Variants in TP53BP1 observed in about 807,000 individuals in gnomAD.
TP53BP1 encodes the protein TP53-binding protein 1.
A neutral mutation model predicts 200.8 loss-of-function variants in TP53BP1; 61 were observed. The observed-to-expected ratio is 0.30, with a 90% confidence interval of 0.25 to 0.38. The LOEUF (loss-of-function observed/expected upper bound fraction) is 0.38, where lower values mean the gene tolerates loss of function less well. TP53BP1 is among the 10% of genes least tolerant of loss of function. The pLI is 1.00. For synonymous variants in TP53BP1, 822 were observed against 844.3 expected, an observed-to-expected ratio of 0.97 and a Z score of 0.46; for missense variants, 2,144 against 2,371.9, an observed-to-expected ratio of 0.90 and a Z score of 2.00.
intron 12 of TP53BP1, among the ~76,000 whole-genome samples, chr15:43,454,936 G>C (rs1244444519): frequency 6.6e-6 from 1 of 151,926 alleles, no homozygotes; most frequent in Non-Finnish European, 1.5e-5. Context: ...CACCATGTTA[G>C]CCAGGCTGGT....
Position 43,438,687 on chromosome 15 carries a change from C to A in TP53BP1, c.3099-271G>T, listed in dbSNP as rs187527111. ...AAAATCCAGAATGTAGAAAACCATA[C>A]AACAATCTGTACCTTCAACAAATAA... On this transcript the variant is annotated intron_variant, in intron 15 of 27. Coordinates refer to ENST00000382044, the MANE Select transcript of TP53BP1 (RefSeq NM_001141980.3). Among the ~76,000 whole-genome samples, 349 of 85,810 alleles carry A rather than the reference C, an allele frequency of 4.1e-3. 3 individuals are homozygous for A. Among genetic ancestry groups the A allele is most frequent in the African/African-American group, 0.016 (341 of 21,778 alleles). The allele number at this position is 85,810 out of a possible 152,430, so 56.3% of individuals were successfully genotyped here.
chr15:43,480,176 C>T (rs524417), intron 5 of TP53BP1, among the ~76,000 whole-genome samples, 159 bp from the exon 6 acceptor site: 43,333 of 152,146 alleles, frequency 0.28, 10,320 homozygotes, highest in African/African-American at 0.65. Flanking sequence ...TGGCCGAGCA[C>T]GGTGGCTCAC....
intron 16 of TP53BP1, 36 bp downstream of exon 16, chr15:43,438,288 A>G (rs16957730): frequency 0.18 from 288,491 of 1,582,650 alleles, 28,160 homozygotes; most frequent in Middle Eastern, 0.26. Flanking sequence ...TTGTGAACCA[A>G]TGGAGCCCAA....
chr15:43,501,321 C>T (rs1397154797), intron 1 of TP53BP1, among the ~76,000 whole-genome samples: 1 of 151,782 alleles, frequency 6.6e-6, no homozygotes, highest in Non-Finnish European at 1.5e-5. Context: ...CTCAAGCAAT[C>T]CTCCCAGCTC....
chr15:43,448,221 T>C (rs967749863), intron 12 of TP53BP1, among the ~76,000 whole-genome samples: 1 of 152,188 alleles, frequency 6.6e-6, no homozygotes, highest in Admixed American at 6.5e-5. Context: ...AGCTACTTTC[T>C]ACCTAGGTCT....
At position 43,404,232 on chromosome 15, in the gene TP53BP1, C is replaced by T. The variant is rs1363301281; in HGVS notation, c.*3151G>A. ...AAGAGTACTTTCATAGGAAGTCATG[C>T]ATGTATGGATTTGGTACAAGTCATT... On this transcript the variant is annotated 3_prime_UTR_variant, in exon 28 of 28. Coordinates refer to ENST00000382044, the MANE Select transcript of TP53BP1 (RefSeq NM_001141980.3). 1.6e-6 allele frequency: 1 copy of T among 629,884 alleles called. No homozygotes were observed. The highest frequency in any genetic ancestry group is 1.8e-5 in the African/African-American group (1 of 54,454). The allele number at this position is 629,884 out of a possible 1,614,324, so 39.0% of individuals were successfully genotyped here.
upstream of TP53BP1, among the ~76,000 whole-genome samples, chr15:43,494,134 G>T (rs1159425990): frequency 6.6e-6 from 1 of 152,148 alleles, no homozygotes; most frequent in African/African-American, 2.4e-5. Context: ...TTGGATCCAG[G>T]ATAGAATTCT....
In TP53BP1 at chr15:43,404,239, G is replaced by C; in HGVS notation, c.*3144C>G. 1.5e-6 allele frequency: 1 copy of C among 670,250 alleles called. No individual in the cohort carries two copies. The highest frequency in any genetic ancestry group is 2.2e-5 in the South Asian group (1 of 45,428). 41.5% of individuals were successfully genotyped at this position (670,250 alleles called of 1,614,324 possible). A position where few individuals can be genotyped will look rare whatever the true frequency, so the allele number is the denominator to read the frequency against. Reference sequence around the variant, plus strand: ...CTTTCATAGGAAGTCATGCATGTATGGATTTGGTACAAGTCATTTTAGGAA... The same window carrying C: ...CTTTCATAGGAAGTCATGCATGTATCGATTTGGTACAAGTCATTTTAGGAA... On this transcript the variant is annotated 3_prime_UTR_variant, in exon 28 of 28. Transcript: ENST00000382044.
chr15:43,409,358 G>C (rs2045035894), intron 25 of TP53BP1: 9 of 571,406 alleles, frequency 1.6e-5, no homozygotes, highest in Non-Finnish European at 2.8e-5. Flanking sequence ...AGCCTTTCAG[G>C]CTAAAAATCA....
At position 43,492,487 on chromosome 15, in the gene TP53BP1, A is replaced by G; in HGVS notation, c.8-19T>C. On this transcript the variant is annotated intron_variant, in intron 1 of 27. Transcript: ENST00000382044. ...TGCTCCCCTGGAATGGAATAACAAAAGATCAGTTCCGTGTAACCTACTAGC... is the reference window on the plus strand; with the variant it reads ...TGCTCCCCTGGAATGGAATAACAAAGGATCAGTTCCGTGTAACCTACTAGC... The G allele has an allele frequency of 6.2e-7, 1 of 1,606,690 alleles. No individual in the cohort carries two copies.
rs2044777371 is a variant in TP53BP1 at position 43,404,183 on chromosome 15, C to G, written c.*3200G>C. 3.6e-6 allele frequency: 2 copies of G among 550,670 alleles called. No individual in the cohort carries two copies. Among genetic ancestry groups the G allele is most frequent in the Non-Finnish European group, 6.4e-6 (2 of 314,474 alleles). The allele number at this position is 550,670 out of a possible 1,614,324, so 34.1% of individuals were successfully genotyped here. On this transcript the variant is annotated 3_prime_UTR_variant, in exon 28 of 28. Coordinates refer to ENST00000382044, the MANE Select transcript of TP53BP1 (RefSeq NM_001141980.3). ...TTGACAAAATACATTAACTGGAAACCAGCTACTAAATTCCTACTGATGAAA... is the reference window on the plus strand; with the variant it reads ...TTGACAAAATACATTAACTGGAAACGAGCTACTAAATTCCTACTGATGAAA...
At chr15:43,449,371 T>G (rs936471551) in intron 12 of TP53BP1, among the ~76,000 whole-genome samples, 5 of 152,242 alleles carry the variant, frequency 3.3e-5, no homozygotes, top group African/African-American at 1.2e-4. Context: ...TCTGAAAATG[T>G]GCATGAAATC....
At position 43,480,875 on chromosome 15, in the gene TP53BP1, T is replaced by C. The variant is rs752112364; in HGVS notation, c.499+20A>G. ...GGGAAGTTAGAACAGTCTATTATTC[T>C]GAAAAAAGCACAAGGCTACCTTCAG... On this transcript the variant is annotated intron_variant, in intron 5 of 27. Coordinates refer to ENST00000382044, the MANE Select transcript of TP53BP1 (RefSeq NM_001141980.3). 5 of 1,613,740 alleles carry C rather than the reference T, an allele frequency of 3.1e-6. No homozygotes were observed. Among genetic ancestry groups the C allele is most frequent in the Non-Finnish European group, 3.4e-6 (4 of 1,179,834 alleles).
Position 43,427,997 on chromosome 15 carries a change from G to C in TP53BP1, c.3828+19C>G, listed in dbSNP as rs1184062137. ...AAGAAAGAAAGAAATTTGCCACACA[G>C]ACTCAGAGTATGTATTACCTCAGTT... On this transcript the variant is annotated intron_variant, in intron 18 of 27. Transcript: ENST00000382044. 1 of 1,465,102 alleles carries C rather than the reference G, an allele frequency of 6.8e-7. No homozygotes were observed. Among genetic ancestry groups the C allele is most frequent in the South Asian group, 1.3e-5 (1 of 76,656 alleles). The allele number at this position is 1,465,102 out of a possible 1,614,324, so 90.8% of individuals were successfully genotyped here.
At chr15:43,446,776 G>A in intron 13 of TP53BP1, 186 bp from the exon 14 acceptor site, 1 of 1,512,948 alleles carries the variant, frequency 6.6e-7, no homozygotes, top group Non-Finnish European at 8.9e-7. Context: ...CTGGTCTTAA[G>A]AGGAGCAACA....
intron 1 of TP53BP1, among the ~76,000 whole-genome samples, chr15:43,509,131 G>A (rs2079254907): frequency 7.4e-6 from 1 of 135,914 alleles, no homozygotes; most frequent in Non-Finnish European, 1.5e-5. Flanking sequence ...CTTACTGATT[G>A]CAGAAGAGGA....
In TP53BP1 at chr15:43,479,466, T is replaced by TC; in HGVS notation, c.718dup (p.Asp240GlyfsTer10). 6.2e-7 allele frequency: 1 copy of TC among 1,614,000 alleles called. No individual in the cohort carries two copies. Among genetic ancestry groups the TC allele is most frequent in the Non-Finnish European group, 8.5e-7 (1 of 1,179,948 alleles). ...ACTGGGCTGTGCTGTCACAGGGATGTCCTTGCTGGACTGTTCTGCTATGGG... is the reference window on the plus strand; with the variant it reads ...ACTGGGCTGTGCTGTCACAGGGATGTCCCTTGCTGGACTGTTCTGCTATGGG... On this transcript the variant is annotated frameshift_variant, in exon 7 of 28. Coordinates refer to ENST00000382044, the MANE Select transcript of TP53BP1 (RefSeq NM_001141980.3). LOFTEE classifies it high-confidence loss of function.
At chr15:43,451,181 CTTTTTTT>C (rs964674673) in intron 12 of TP53BP1, among the ~76,000 whole-genome samples, 1 of 146,274 alleles carries the variant, frequency 6.8e-6, no homozygotes, top group African/African-American at 2.5e-5. Context: ...TACTTTTTTT[CTTTTTTT>C]TTTTAATTAT....
intron 12 of TP53BP1, among the ~76,000 whole-genome samples, chr15:43,447,687 G>A (rs923296581): frequency 1.3e-5 from 2 of 151,916 alleles, no homozygotes; most frequent in African/African-American, 4.8e-5. Context: ...TCTCTTCACA[G>A]CCAACAACTA....
Sources: allele counts gnomAD v4.1 joint callset (sites outside exome capture counted in the v4.1 genomes callset), GRCh38; gene constraint gnomAD v4.1.1; transcripts MANE v1.5; gene names NCBI Gene and HGNC (gene_info 2026-07-23, HGNC 2026-07-21).